DTX4: variants seen among roughly 807,000 people sequenced by gnomAD.
DTX4 encodes deltex E3 ubiquitin ligase 4, also known as E3 ubiquitin-protein ligase DTX4.
A neutral mutation model predicts 57.6 loss-of-function variants in DTX4; 28 were observed. The observed-to-expected ratio is 0.49, with a 90% CI of 0.36 to 0.67. The LOEUF (loss-of-function observed/expected upper bound fraction) is 0.67, where lower values mean the gene tolerates loss of function less well. DTX4 is among the 30% of genes least tolerant of loss of function. DTX4 has a pLI of 0.00. For missense variants in DTX4, 715 were observed against 836.8 expected (o/e 0.85, Z 1.80); for synonymous variants, 316 against 331.0 (o/e 0.95, Z 0.49).
At chr11:59,195,107 T>C in intron 6 of DTX4, 101 bp from the exon 7 acceptor site, 1 of 1,242,458 alleles carries the variant, frequency 8.0e-7, no homozygotes, top group Non-Finnish European at 1.2e-6. Context: ...GGGTGCATTT[T>C]GTTCCCCTGG....
intron 2 of DTX4, among the ~76,000 whole-genome samples, chr11:59,185,821 A>C (rs1862520699): frequency 6.6e-6 from 1 of 152,142 alleles, no homozygotes; most frequent in Non-Finnish European, 1.5e-5. Flanking sequence ...AGTCACCCAA[A>C]CTTGCACAGG....
intron 7 of DTX4, among the ~76,000 whole-genome samples, chr11:59,197,810 T>C (rs1862693412): frequency 6.6e-6 from 1 of 151,956 alleles, no homozygotes; most frequent in Non-Finnish European, 1.5e-5. Flanking sequence ...AAACAGGACT[T>C]GGGAGAAACA....
chr11:59,193,928 C>T (rs1188095110), intron 6 of DTX4, among the ~76,000 whole-genome samples: 1 of 152,202 alleles, frequency 6.6e-6, no homozygotes, highest in Admixed American at 6.5e-5. Context: ...ATCCCAGCTG[C>T]GCAGCAGCAC....
chr11:59,198,571 T>A (rs1049619339), intron 7 of DTX4, among the ~76,000 whole-genome samples: 2 of 152,252 alleles, frequency 1.3e-5, no homozygotes, highest in South Asian at 2.1e-4. Context: ...ACAGAATTTC[T>A]TATCATTTTG....
Position 59,192,105 on chromosome 11 carries a change from C to T in DTX4, c.1229C>T (p.Thr410Ile), listed in dbSNP as rs1025103416. ...KVRHPPDEDC[T>I]ICMERLTAPS... ...TGTCTCCTCCCTCCCCAGGACTGCA[C>T]CATCTGTATGGAACGCCTCACGGCC... Residue 410 changes from threonine (T) to isoleucine (I), a missense_variant, in exon 6 of 9, where the codon ACC (threonine) becomes ATC (isoleucine). By Grantham distance (89) the Thr-to-Ile change is moderately conservative. Transcript: ENST00000227451. 5.6e-6 allele frequency: 9 copies of T among 1,613,284 alleles called. No individual in the cohort carries two copies. Among genetic ancestry groups the T allele is most frequent in the Admixed American group, 1.7e-5 (1 of 60,016 alleles).
chr11:59,200,157 TGA>T (rs1862723607), intron 8 of DTX4, among the ~76,000 whole-genome samples: 1 of 152,148 alleles, frequency 6.6e-6, no homozygotes, highest in African/African-American at 2.4e-5. Flanking sequence ...CAAGAAAGAA[TGA>T]GAGCCAAGTG....
chr11:59,195,022 C>T, intron 6 of DTX4, 186 bp from the exon 7 acceptor site: 1 of 646,630 alleles, frequency 1.5e-6, no homozygotes, highest in Non-Finnish European at 2.7e-6. Flanking sequence ...AATTTACCTC[C>T]TATTACTTTG....
At chr11:59,182,503 T>C in intron 2 of DTX4, 41 bp downstream of exon 2, 2 of 1,534,860 alleles carry the variant, frequency 1.3e-6, no homozygotes, top group Non-Finnish European at 1.8e-6. Context: ...TTACTCAGGG[T>C]AGAGATAGGC....
chr11:59,199,073 T>A (rs1199112622), intron 7 of DTX4, among the ~76,000 whole-genome samples: 2 of 152,208 alleles, frequency 1.3e-5, no homozygotes, highest in Non-Finnish European at 2.9e-5. Flanking sequence ...TTCCTATTGT[T>A]AAAGAAGAAA....
At chr11:59,188,894 A>G in intron 3 of DTX4, 98 bp downstream of exon 3, 2 of 1,211,316 alleles carry the variant, frequency 1.7e-6, no homozygotes, top group South Asian at 1.3e-5. Context: ...GAATCTAGAT[A>G]TTAATGAAAG....
intron 1 of DTX4, among the ~76,000 whole-genome samples, chr11:59,176,700 G>A (rs1285797227): frequency 1.3e-5 from 2 of 152,212 alleles, no homozygotes; most frequent in Non-Finnish European, 2.9e-5. Context: ...GGAAGGCATG[G>A]CCTTCCACTT....
upstream of DTX4, among the ~76,000 whole-genome samples, chr11:59,171,998 G>C (rs1051797067): frequency 1.8e-4 from 28 of 151,970 alleles, no homozygotes; most frequent in Non-Finnish European, 5.9e-5. Flanking sequence ...CGCCCTGCTT[G>C]GGAGGGGTGG....
upstream of DTX4, chr11:59,171,497 T>A (rs1862321976): frequency 6.6e-6 from 1 of 152,250 alleles, no homozygotes; most frequent in South Asian, 2.1e-4. Flanking sequence ...ACGTAGGTAA[T>A]ATAAATCCAT....
At position 59,182,056 on chromosome 11, in the gene DTX4, A is replaced by G; in HGVS notation, c.529A>G (p.Ser177Gly). Residue 177 changes from serine to glycine, a missense_variant, in exon 2 of 9, where the codon AGC (serine) becomes GGC (glycine). Coordinates refer to ENST00000227451, the MANE Select transcript of DTX4 (RefSeq NM_015177.2). Reference protein sequence around the residue: ...TLPKAQSWPVSPGPATSPPMS... With the variant: ...TLPKAQSWPVGPGPATSPPMS... ...GCCTAAGGCTCAGTCCTGGCCAGTC[A>G]GCCCTGGGCCAGCCACCTCGCCCCC... 6.2e-7 allele frequency: 1 copy of G among 1,612,418 alleles called. No individual in the cohort carries two copies. Among genetic ancestry groups the G allele is most frequent in the Non-Finnish European group, 8.5e-7 (1 of 1,178,876 alleles).
intron 8 of DTX4, among the ~76,000 whole-genome samples, chr11:59,201,976 C>T (rs1370197025): frequency 2.6e-5 from 4 of 152,262 alleles, no homozygotes; most frequent in Non-Finnish European, 5.9e-5. Context: ...CCTGCACTCA[C>T]TGCCTTCCAA....
intron 6 of DTX4, among the ~76,000 whole-genome samples, chr11:59,193,640 A>C (rs1862626867): frequency 6.6e-6 from 1 of 152,216 alleles, no homozygotes; most frequent in Non-Finnish European, 1.5e-5. Context: ...AATGTTTCTC[A>C]AGAGTCTATG....
At chr11:59,197,671 T>C (rs7942203) in intron 7 of DTX4, among the ~76,000 whole-genome samples, 15,894 of 152,114 alleles carry the variant, frequency 0.1, 1,030 homozygotes, top group East Asian at 0.29. Flanking sequence ...AGTCCAGGCC[T>C]TAGGAATGGG....
chr11:59,172,433 G>T lies in DTX4; in HGVS notation c.-163G>T, dbSNP rs1225202988. The T allele has an allele frequency of 1.8e-5, 4 of 223,482 alleles. No individual in the cohort carries two copies. The highest frequency in any genetic ancestry group is 2.4e-5 in the Non-Finnish European group (3 of 125,342). 13.8% of individuals were successfully genotyped at this position (223,482 alleles called of 1,614,324 possible). On this transcript the variant is annotated 5_prime_UTR_variant, in exon 1 of 9. Coordinates refer to ENST00000227451, the MANE Select transcript of DTX4 (RefSeq NM_015177.2). ...TCCCGGCCCCGGTGGATGCACGGCT[G>T]GGGAGGAGCCCATGGGCCGGAGCTG...
intron 1 of DTX4, among the ~76,000 whole-genome samples, chr11:59,176,552 C>T (rs1862398291): frequency 6.6e-6 from 1 of 152,182 alleles, no homozygotes; most frequent in Non-Finnish European, 1.5e-5. Flanking sequence ...TTTCTTTGTC[C>T]TTACGGAAAA....
Sources: allele counts gnomAD v4.1 joint callset (sites outside exome capture counted in the v4.1 genomes callset), GRCh38; gene constraint gnomAD v4.1.1; transcripts MANE v1.5; gene names NCBI Gene and HGNC (gene_info 2026-07-23, HGNC 2026-07-21).